The following SLC25A46 variants were observed in gnomAD, a reference collection of about 807,000 sequenced individuals.
SLC25A46 encodes mitochondrial outer membrane protein SLC25A46.
Under a neutral mutation model 44.6 loss-of-function variants are expected in SLC25A46, and 39 were observed. The observed-to-expected ratio is 0.87, with a 90% confidence interval of 0.68 to 1.14. SLC25A46 has a LOEUF of 1.14. Ranked by LOEUF, SLC25A46 falls within the 50% of genes most tolerant of loss-of-function variation. SLC25A46 has a pLI of 0.00. For missense variants in SLC25A46, 547 were observed against 522.7 expected, an observed-to-expected ratio of 1.05 and a Z score of -0.45; for synonymous variants, 202 against 185.8, an observed-to-expected ratio of 1.09 and a Z score of -0.71.
chr5:110,753,077 T>C (rs1580863998), intron 5 of SLC25A46, among the ~76,000 whole-genome samples: 2 of 152,118 alleles, frequency 1.3e-5, no homozygotes, highest in Non-Finnish European at 2.9e-5. Context: ...GCTGCTGAAA[T>C]GTCAAATAAG....
chr5:110,743,767 G>C lies in SLC25A46; in HGVS notation c.364G>C (p.Val122Leu). 1 of 1,605,694 alleles carries C rather than the reference G, an allele frequency of 6.2e-7. No homozygotes were observed. Among genetic ancestry groups the C allele is most frequent in the Non-Finnish European group, 8.5e-7 (1 of 1,175,012 alleles). Residue 122 changes from valine (V) to leucine (L), a missense_variant, in exon 3 of 8, where the codon GTT becomes CTT. Val to Leu is a conservative substitution (Grantham distance 32). Transcript: ENST00000355943. The stretch of plus-strand genomic sequence containing the variant: ...AAATGTATTGGCACATCCTTGCATT[G>C]TTCTACGCCGCCAATGTCAGGTAAA... The part of the protein sequence containing the change: ...TENVLAHPCI[V>L]LRRQCQVNYH...
intron 7 of SLC25A46, among the ~76,000 whole-genome samples, chr5:110,758,561 G>A (rs190958468): frequency 1.1e-3 from 163 of 151,866 alleles, no homozygotes; most frequent in African/African-American, 3.8e-3. Flanking sequence ...CTAGGTGGGC[G>A]GATCATGAGG....
At chr5:110,739,427 G>A in intron 1 of SLC25A46, 25 bp downstream of exon 1, 8 of 1,514,388 alleles carry the variant, frequency 5.3e-6, no homozygotes, top group Non-Finnish European at 7.0e-6. Context: ...GACCGACACA[G>A]GGATGAGGGG....
At chr5:110,738,467 C>T (rs1799449470), upstream of SLC25A46, among the ~76,000 whole-genome samples, 1 of 152,148 alleles carries the variant, frequency 6.6e-6, no homozygotes, top group South Asian at 2.1e-4. Context: ...TCACCCCCGA[C>T]GTGCACTTCA....
chr5:110,743,807 T>G lies in SLC25A46; in HGVS notation c.384+20T>G, dbSNP rs1216058768. Reference sequence around the variant, plus strand: ...TGTCAGGTAAATGTAATTTCTGTGATCTTTTGAAGCAATACTTCTGACCCT... The same window carrying G: ...TGTCAGGTAAATGTAATTTCTGTGAGCTTTTGAAGCAATACTTCTGACCCT... On this transcript the variant is annotated intron_variant, in intron 3 of 7. Coordinates refer to ENST00000355943, the MANE Select transcript of SLC25A46 (RefSeq NM_138773.4). The G allele has an allele frequency of 1.3e-6, 2 of 1,591,902 alleles. No individual in the cohort carries two copies. The highest frequency in any genetic ancestry group is 1.3e-5 in the African/African-American group (1 of 74,318).
chr5:110,756,773 T>TA lies in SLC25A46; in HGVS notation c.678+15dup, dbSNP rs762000801. The TA allele has an allele frequency of 1.3e-5, 20 of 1,508,754 alleles. No homozygotes were observed. The highest frequency in any genetic ancestry group is 2.8e-5 in the African/African-American group (2 of 70,348). 93.5% of individuals were successfully genotyped at this position (1,508,754 alleles called of 1,614,324 possible). A position where few individuals can be genotyped will look rare whatever the true frequency, so the allele number is the denominator to read the frequency against. ...GAAACAGTGCAGGTGAGCTTTTTTT[T>TA]ACTGTCATTTTTTTTTTATTTAAGA... On this transcript the variant is annotated intron_variant, in intron 7 of 7. Coordinates refer to ENST00000355943, the MANE Select transcript of SLC25A46 (RefSeq NM_138773.4).
At position 110,761,717 on chromosome 5, in the gene SLC25A46, C is replaced by T; in HGVS notation, c.1192C>T (p.Leu398=). The part of the protein sequence containing the change: ...GFGAVIIQYT[L]HAAVLQITKI... ...TGGTGCTGTTATAATACAGTACACACTGCATGCAGCTGTTTTACAGATTAC... is the reference window on the plus strand; with the variant it reads ...TGGTGCTGTTATAATACAGTACACATTGCATGCAGCTGTTTTACAGATTAC... Residue 398 remains leucine, a synonymous_variant, in exon 8 of 8, where the codon CTG becomes TTG. Transcript: ENST00000355943. The surrounding 1 kb of genome is among the most constrained non-coding windows in gnomAD (Gnocchi z 5.3). The T allele has an allele frequency of 6.2e-7, 1 of 1,613,152 alleles. No homozygotes were observed. The highest frequency in any genetic ancestry group is 2.2e-5 in the East Asian group (1 of 44,854).
At chr5:110,742,403 A>G (rs1421760058) in intron 2 of SLC25A46, among the ~76,000 whole-genome samples, 3 of 152,098 alleles carry the variant, frequency 2.0e-5, no homozygotes, top group African/African-American at 7.2e-5. Flanking sequence ...TCTCCCATCA[A>G]AATAATAATT....
chr5:110,746,902 G>A (rs1485443597), intron 4 of SLC25A46, among the ~76,000 whole-genome samples: 1 of 152,074 alleles, frequency 6.6e-6, no homozygotes, highest in Non-Finnish European at 1.5e-5. Flanking sequence ...CTTGAAGTGG[G>A]GGTTGAAGAG....
At chr5:110,754,392 TTTTTC>T (rs1484877839) in intron 5 of SLC25A46, 1 of 151,400 alleles carries the variant, frequency 6.6e-6, no homozygotes, top group Non-Finnish European at 1.5e-5. Context: ...ACTTTCTTTT[TTTTTC>T]TTTTCTTTTT....
upstream of SLC25A46, chr5:110,738,163 A>C (rs760907652): frequency 2.5e-6 from 3 of 1,211,332 alleles, no homozygotes; most frequent in East Asian, 6.3e-5. Flanking sequence ...AACGAGTTGA[A>C]GGAACATAGG....
intron 1 of SLC25A46, chr5:110,741,727 TAA>T: frequency 5.2e-6 from 1 of 190,824 alleles, no homozygotes; most frequent in Non-Finnish European, 1.1e-5. Flanking sequence ...AGCTTTTATA[TAA>T]AATGAGAATA....
intron 3 of SLC25A46, among the ~76,000 whole-genome samples, chr5:110,744,573 T>G (rs1003561708): frequency 1.3e-5 from 2 of 152,218 alleles, no homozygotes; most frequent in African/African-American, 4.8e-5. Flanking sequence ...ACTACTGATC[T>G]CACTAGAAAA....
intron 5 of SLC25A46, among the ~76,000 whole-genome samples, chr5:110,752,355 G>A (rs1799986725): frequency 6.6e-6 from 1 of 152,046 alleles, no homozygotes. Flanking sequence ...CAGTTGCAGT[G>A]AGTTAAACCA....
chr5:110,755,083 T>A lies in SLC25A46; in HGVS notation c.564-382T>A, dbSNP rs570449152. On this transcript the variant is annotated intron_variant, in intron 5 of 7. Transcript: ENST00000355943. ...CTGCATTAGAGTTACTTAACTTTTT[T>A]AAAAAATTGTCATTCTTATATACTT... 1.1e-4 allele frequency: 17 copies of A among 156,012 alleles called. No individual in the cohort carries two copies. The East Asian group carries it at 2.3e-3, about 21-fold the overall frequency. The allele number at this position is 156,012 out of a possible 1,614,324, so 9.7% of individuals were successfully genotyped here. A position where few individuals can be genotyped will look rare whatever the true frequency, so the allele number is the denominator to read the frequency against.
chr5:110,757,829 G>T (rs1381142977), intron 7 of SLC25A46, among the ~76,000 whole-genome samples: 2 of 152,074 alleles, frequency 1.3e-5, no homozygotes, highest in Admixed American at 6.6e-5. Flanking sequence ...TAAGCAGAAT[G>T]ATTTATTGGG....
Position 110,762,276 on chromosome 5 carries a change from T to G in SLC25A46, c.*494T>G. On this transcript the variant is annotated 3_prime_UTR_variant, in exon 8 of 8. Transcript: ENST00000355943. Reference sequence around the variant, plus strand: ...TATTGAAAAAGACTTAAGGGATGATTAGACTTGGCAATCTGTAAGCAGGAG... The same window carrying G: ...TATTGAAAAAGACTTAAGGGATGATGAGACTTGGCAATCTGTAAGCAGGAG... The G allele has an allele frequency of 6.5e-6, 1 of 154,016 alleles. No individual in the cohort carries two copies. The highest frequency in any genetic ancestry group is 1.4e-5 in the Non-Finnish European group (1 of 69,328). The allele number at this position is 154,016 out of a possible 1,614,324, so 9.5% of individuals were successfully genotyped here.
At chr5:110,747,904 C>CT (rs1273627035) in intron 4 of SLC25A46, among the ~76,000 whole-genome samples, 1 of 151,886 alleles carries the variant, frequency 6.6e-6, no homozygotes, top group Non-Finnish European at 1.5e-5. Flanking sequence ...CAGGACAGGA[C>CT]TAGTAGGGAG....
chr5:110,756,777 G>T lies in SLC25A46; in HGVS notation c.678+18G>T. On this transcript the variant is annotated intron_variant, in intron 7 of 7. Coordinates refer to ENST00000355943, the MANE Select transcript of SLC25A46 (RefSeq NM_138773.4). ...CAGTGCAGGTGAGCTTTTTTTTACT[G>T]TCATTTTTTTTTTATTTAAGAATAG... 2.0e-6 allele frequency: 3 copies of T among 1,489,242 alleles called. No individual in the cohort carries two copies. Among genetic ancestry groups the T allele is most frequent in the Admixed American group, 2.5e-5 (1 of 40,516 alleles). 92.3% of individuals were successfully genotyped at this position (1,489,242 alleles called of 1,614,324 possible). A position where few individuals can be genotyped will look rare whatever the true frequency, so the allele number is the denominator to read the frequency against.
Sources: gnomAD v4.1 joint callset for allele counts (sites outside exome capture counted in the v4.1 genomes callset) on GRCh38, gnomAD v4.1.1 for gene constraint, Gnocchi (gnomAD v3.1) non-coding constraint, MANE v1.5 for transcripts, NCBI Gene and HGNC (gene_info 2026-07-23, HGNC 2026-07-21) for gene names.